WSB2: variants seen among roughly 807,000 people sequenced by gnomAD.
The protein encoded by WSB2 is WD repeat and SOCS box containing 2.
In WSB2, 12 loss-of-function variants were observed where a neutral mutation model predicts 48.8. The ratio of observed to expected loss-of-function variants is 0.25; its 90% CI spans 0.16 to 0.40. The LOEUF (loss-of-function observed/expected upper bound fraction) is 0.40. Ranked by LOEUF, WSB2 falls within the 10% of genes least tolerant of loss-of-function variation. The probability of loss-of-function intolerance (pLI) is 1.00; values close to 1 mark genes in which losing one functional copy is unlikely to be tolerated. For missense variants in WSB2, 317 were observed against 506.2 expected (o/e 0.63, Z 3.59); for synonymous variants, 191 against 203.1 (o/e 0.94, Z 0.51).
At chr12:118,049,281 G>A (rs2031804246) in intron 2 of WSB2, among the ~76,000 whole-genome samples, 1 of 152,138 alleles carries the variant, frequency 6.6e-6, no homozygotes, top group African/African-American at 2.4e-5. Context: ...ATATCATATG[G>A]AAATGGTAAA....
At position 118,056,252 on chromosome 12, in the gene WSB2, C is replaced by T. The variant is rs539001850; in HGVS notation, c.14-3774G>A. Among the ~76,000 whole-genome samples the T allele has an allele frequency of 2.6e-5, 4 of 152,254 alleles. No homozygotes were observed. In the South Asian group the frequency reaches 8.3e-4, roughly 31 times the overall value. On this transcript the variant is annotated intron_variant, in intron 1 of 8. Transcript: ENST00000315436. ...CCAACACATTGCCCTTCTCTCTACC[C>T]TCTGCCAATGCTCAATTAGTTCTGA...
chr12:118,042,680 G>A, intron 4 of WSB2, 161 bp downstream of exon 4: 2 of 1,077,854 alleles, frequency 1.9e-6, no homozygotes, highest in East Asian at 2.4e-5. Flanking sequence ...TTTGGGGCGG[G>A]CAGGGGCGAT....
chr12:118,053,113 A>G (rs891419841), intron 1 of WSB2, among the ~76,000 whole-genome samples: 4 of 152,134 alleles, frequency 2.6e-5, no homozygotes, highest in Non-Finnish European at 5.9e-5. Flanking sequence ...AGATGCTGCT[A>G]AAGCTGAAAT....
chr12:118,045,559 G>T (rs961398338), intron 2 of WSB2, among the ~76,000 whole-genome samples: 8 of 151,430 alleles, frequency 5.3e-5, no homozygotes, highest in Non-Finnish European at 1.0e-4. Flanking sequence ...TTAGCTGGAC[G>T]TGGTGGCAGG....
chr12:118,037,667 T>TAAAA (rs752087366), intron 5 of WSB2, among the ~76,000 whole-genome samples: 1 of 123,566 alleles, frequency 8.1e-6, no homozygotes. Context: ...AAACTCTGTC[T>TAAAA]AAAAAAAAAA....
upstream of WSB2, among the ~76,000 whole-genome samples, chr12:118,061,752 G>C (rs2032073254): frequency 7.1e-6 from 1 of 140,818 alleles, no homozygotes; most frequent in African/African-American, 2.6e-5. Context: ...TGCGAAGGCC[G>C]ATGAGGGGGG....
At chr12:118,061,448 G>C (rs1281053769), upstream of WSB2, among the ~76,000 whole-genome samples, 1 of 151,154 alleles carries the variant, frequency 6.6e-6, no homozygotes, top group Non-Finnish European at 1.5e-5. Flanking sequence ...AAAACCCAGG[G>C]GTTGTGCGGG....
At chr12:118,048,044 A>G (rs1370444328) in intron 2 of WSB2, among the ~76,000 whole-genome samples, 1 of 152,038 alleles carries the variant, frequency 6.6e-6, no homozygotes, top group Non-Finnish European at 1.5e-5. Context: ...CTCCCATCTC[A>G]GCCTCCTGAG....
Position 118,052,405 on chromosome 12 carries a change from G to A in WSB2, c.87C>T (p.Thr29=). The change falls in exon 2 of 9, where the codon ACC becomes ACT. Residue 29 remains threonine, a synonymous_variant. Transcript: ENST00000315436. ...HQFDWKSSCE[T]WSVAFSPDGS... ...CATCTGGGGAGAAGGCGACGCTCCA[G>A]GTTTCACAGCTGGACTTCCAATCAA... 6.2e-7 allele frequency: 1 copy of A among 1,614,228 alleles called. No individual in the cohort carries two copies. The highest frequency in any genetic ancestry group is 8.5e-7 in the Non-Finnish European group (1 of 1,180,048).
Position 118,060,954 on chromosome 12 carries a change from C to T in WSB2, c.13+82G>A, listed in dbSNP as rs1378413725. On this transcript the variant is annotated intron_variant, in intron 1 of 8. Transcript: ENST00000315436. The surrounding 1 kb of genome is among the most constrained non-coding windows in gnomAD (Gnocchi z 4.1). The stretch of plus-strand genomic sequence containing the variant: ...CCCCCGCCCCACCCCGCCCAGCCCG[C>T]CCCGGGGTCGCCTCCCCCCTCCCCG... 1.6e-5 allele frequency: 11 copies of T among 689,446 alleles called. No homozygotes were observed. In the African/African-American group the frequency reaches 1.9e-4, roughly 12 times the overall value. The allele number at this position is 689,446 out of a possible 1,614,324, so 42.7% of individuals were successfully genotyped here.
rs762163611 is a variant in WSB2 at position 118,035,223 on chromosome 12, G to A, written c.935C>T (p.Ala312Val). The change falls in exon 7 of 9, where the codon GCA (alanine) becomes GTA (valine). Residue 312 changes from alanine to valine, a missense_variant. Transcript: ENST00000315436. ...SPEGLYLATV[A>V]DDRLLRIWAL... ...GAGTTCTCTTCGTTACCTGTCATCT[G>A]CCACCGTGGCAAGGTACAAGCCTTC... 8.1e-6 allele frequency: 13 copies of A among 1,614,196 alleles called. No individual in the cohort carries two copies. The highest frequency in any genetic ancestry group is 1.1e-5 in the Non-Finnish European group (13 of 1,180,020).
intron 1 of WSB2, among the ~76,000 whole-genome samples, chr12:118,055,524 C>T (rs568345994): frequency 1.3e-4 from 19 of 150,616 alleles, no homozygotes; most frequent in Admixed American, 3.3e-4. Flanking sequence ...CCAGGAATTC[C>T]GGATCAAATG....
chr12:118,060,978 C>G lies in WSB2; in HGVS notation c.13+58G>C, dbSNP rs1446542200. ...GCCCCGGGGTCGCCTCCCCCCTCCCCGGGGAGAACGGGCCAGGGCCCCGCC... is the reference window on the plus strand; with the variant it reads ...GCCCCGGGGTCGCCTCCCCCCTCCCGGGGGAGAACGGGCCAGGGCCCCGCC... On this transcript the variant is annotated intron_variant, in intron 1 of 8. Transcript: ENST00000315436. This position sits in a 1 kb window ranked among gnomAD's most constrained non-coding sequence, Gnocchi z 4.1. The G allele has an allele frequency of 4.5e-5, 40 of 890,334 alleles. No individual in the cohort carries two copies. Among genetic ancestry groups the G allele is most frequent in the Non-Finnish European group, 5.1e-5 (38 of 742,168 alleles). The allele number at this position is 890,334 out of a possible 1,614,324, so 55.2% of individuals were successfully genotyped here. A position where few individuals can be genotyped will look rare whatever the true frequency, so the allele number is the denominator to read the frequency against.
chr12:118,052,127 C>T (rs1212753402), intron 2 of WSB2, among the ~76,000 whole-genome samples, 183 bp downstream of exon 2: 1 of 152,110 alleles, frequency 6.6e-6, no homozygotes, highest in East Asian at 1.9e-4. Context: ...CAACTTGGGG[C>T]TAACATAATC....
intron 8 of WSB2, chr12:118,034,671 T>A: frequency 2.0e-6 from 1 of 492,646 alleles, no homozygotes; most frequent in African/African-American, 1.9e-5. Flanking sequence ...GAATTATAGA[T>A]GTTACCTGTA....
At chr12:118,049,267 A>G (rs2031803732) in intron 2 of WSB2, among the ~76,000 whole-genome samples, 2 of 152,328 alleles carry the variant, frequency 1.3e-5, no homozygotes, top group South Asian at 4.1e-4. Flanking sequence ...TGATGGCTGC[A>G]AAAATATCAT....
intron 4 of WSB2, among the ~76,000 whole-genome samples, chr12:118,041,386 A>C (rs2031633112): frequency 6.6e-6 from 1 of 152,188 alleles, no homozygotes; most frequent in South Asian, 2.1e-4. Context: ...AACTACTAGC[A>C]CTTCGCTCAC....
chr12:118,039,144 A>G (rs908430865), intron 4 of WSB2, among the ~76,000 whole-genome samples: 3 of 152,144 alleles, frequency 2.0e-5, no homozygotes, highest in African/African-American at 7.2e-5. Context: ...TCACCCTCCC[A>G]GCCTTGCCAG....
intron 5 of WSB2, among the ~76,000 whole-genome samples, chr12:118,036,926 A>T (rs2031525016): frequency 6.6e-6 from 1 of 152,198 alleles, no homozygotes; most frequent in Non-Finnish European, 1.5e-5. Flanking sequence ...TCATGCCTGT[A>T]ATCTCAGCAC....
Sources: gnomAD v4.1 joint callset for allele counts (sites outside exome capture counted in the v4.1 genomes callset) on GRCh38, gnomAD v4.1.1 for gene constraint, Gnocchi (gnomAD v3.1) non-coding constraint, MANE v1.5 for transcripts, NCBI Gene and HGNC (gene_info 2026-07-23, HGNC 2026-07-21) for gene names.